Variants in COL27A1 observed in about 807,000 individuals in gnomAD.
COL27A1 encodes the protein collagen type XXVII alpha 1 chain.
Under a neutral mutation model 251.3 loss-of-function variants are expected in COL27A1, and 106 were observed. The ratio of observed to expected loss-of-function variants is 0.42; its 90% confidence interval spans 0.36 to 0.50. The LOEUF is 0.50. Ranked by LOEUF, COL27A1 falls within the 20% of genes least tolerant of loss-of-function variation. The pLI, the probability that COL27A1 is intolerant of heterozygous loss-of-function variation, is 0.00. For missense variants in COL27A1, 2,325 were observed against 2,522.8 expected (o/e 0.92, Z 1.68); for synonymous variants, 1,000 against 986.3 (o/e 1.01, Z -0.26).
At chr9:114,250,371 C>T (rs749323212) in intron 24 of COL27A1, among the ~76,000 whole-genome samples, 2 of 152,200 alleles carry the variant, frequency 1.3e-5, no homozygotes, top group Admixed American at 6.5e-5. Flanking sequence ...GAATGTGTGG[C>T]GCTCCCAGGG....
intron 19 of COL27A1, among the ~76,000 whole-genome samples, chr9:114,238,407 G>A (rs1249715): frequency 0.31 from 46,834 of 151,964 alleles, 7,707 homozygotes; most frequent in Middle Eastern, 0.46. Context: ...CAGGGCTGCC[G>A]TCCCTCTCAG....
chr9:114,264,350 T>C lies in COL27A1; in HGVS notation c.3196-5T>C. 6.3e-7 allele frequency: 1 copy of C among 1,591,620 alleles called. No individual in the cohort carries two copies. Among genetic ancestry groups the C allele is most frequent in the Non-Finnish European group, 8.6e-7 (1 of 1,167,936 alleles). On this transcript the variant is annotated splice_region_variant and splice_polypyrimidine_tract_variant and intron_variant, in intron 28 of 60. Transcript: ENST00000356083. ...CGGTGTGCTAGTCCCTTTTTCCTATTCCAGGGCCCCCGAGGACCGGACGGA... is the reference window on the plus strand; with the variant it reads ...CGGTGTGCTAGTCCCTTTTTCCTATCCCAGGGCCCCCGAGGACCGGACGGA...
upstream of COL27A1, among the ~76,000 whole-genome samples, chr9:114,155,041 C>T (rs1848040031): frequency 6.6e-6 from 1 of 151,952 alleles, no homozygotes; most frequent in Non-Finnish European, 1.5e-5. This position sits in a 1 kb window ranked among gnomAD's most constrained non-coding sequence, Gnocchi z 5.5. Context: ...GAGAGGGTGG[C>T]AAACCCTTAA....
chr9:114,188,596 C>G (rs953350615), intron 5 of COL27A1, among the ~76,000 whole-genome samples: 5 of 151,972 alleles, frequency 3.3e-5, no homozygotes, highest in Non-Finnish European at 7.4e-5. Flanking sequence ...AGACATATAT[C>G]AAGACATATA....
chr9:114,209,898 A>C (rs1014097409), intron 11 of COL27A1, among the ~76,000 whole-genome samples, 170 bp downstream of exon 11: 1 of 152,222 alleles, frequency 6.6e-6, no homozygotes, highest in Admixed American at 6.5e-5. Context: ...CATTCCAGGC[A>C]TAGGGAACAG....
intron 3 of COL27A1, among the ~76,000 whole-genome samples, chr9:114,169,845 C>G (rs1404368630): frequency 6.6e-6 from 1 of 152,244 alleles, no homozygotes; most frequent in Non-Finnish European, 1.5e-5. Flanking sequence ...CTTCCAAAGC[C>G]CCGTTCTCCC....
chr9:114,265,182 A>G (rs1259011698), intron 31 of COL27A1, 72 bp downstream of exon 31: 8 of 1,169,274 alleles, frequency 6.8e-6, no homozygotes, highest in African/African-American at 1.5e-5. Context: ...TGCGGTGCTG[A>G]TAATAACCAC....
chr9:114,161,591 C>G (rs1228718432), intron 1 of COL27A1, among the ~76,000 whole-genome samples: 3 of 152,220 alleles, frequency 2.0e-5, no homozygotes, highest in Non-Finnish European at 4.4e-5. Context: ...CAGAAGCACA[C>G]TATCCTAGCT....
intron 41 of COL27A1, among the ~76,000 whole-genome samples, chr9:114,285,210 C>A (rs934650798): frequency 4.6e-5 from 7 of 152,104 alleles, no homozygotes; most frequent in African/African-American, 1.7e-4. Context: ...CAAGGAACCC[C>A]AGTGGTTAGT....
intron 28 of COL27A1, among the ~76,000 whole-genome samples, chr9:114,260,141 C>T (rs551786173): frequency 9.9e-5 from 15 of 152,284 alleles, no homozygotes; most frequent in African/African-American, 1.7e-4. Flanking sequence ...GCCTCAGGCG[C>T]GGGGCTCAGG....
chr9:114,290,102 G>T lies in COL27A1; in HGVS notation c.4251G>T (p.Arg1417Ser), dbSNP rs888466096. The T allele has an allele frequency of 4.3e-6, 7 of 1,611,630 alleles. No individual in the cohort carries two copies. Among genetic ancestry groups the T allele is most frequent in the Non-Finnish European group, 5.9e-6 (7 of 1,179,968 alleles). Residue 1417 changes from arginine (R) to serine (S), a missense_variant, in exon 46 of 61, where the codon AGG (arginine) becomes AGT (serine). By Grantham distance (110) the Arg-to-Ser change is moderately radical. This residue lies in a region of COL27A1 where 662 missense variants were observed against 795.3 expected (regional missense o/e 0.83). Coordinates refer to ENST00000356083, the MANE Select transcript of COL27A1 (RefSeq NM_032888.4). The surrounding 1 kb of genome is among the most constrained non-coding windows in gnomAD (Gnocchi z 4.6). ...GCAAGGCAGGGGCCCCAGGCCGGAG[G>T]GGGGTCCAGGTGAGTGACTACAGCT... Reference protein sequence around the residue: ...KQGKAGAPGRRGVQGLQGLPG... With the variant: ...KQGKAGAPGRSGVQGLQGLPG...
At chr9:114,164,649 T>G (rs1018679533) in intron 2 of COL27A1, among the ~76,000 whole-genome samples, 1 of 152,224 alleles carries the variant, frequency 6.6e-6, no homozygotes, top group Non-Finnish European at 1.5e-5. Flanking sequence ...AAGGACCAAG[T>G]GGCTTCCTGC....
intron 60 of COL27A1, 42 bp downstream of exon 60, chr9:114,309,520 A>G: frequency 6.7e-7 from 1 of 1,489,650 alleles, no homozygotes; most frequent in Non-Finnish European, 9.3e-7. Context: ...TGTGGGGACA[A>G]CTGGAAAAAC....
chr9:114,190,041 A>T (rs1468656497), intron 5 of COL27A1, among the ~76,000 whole-genome samples: 1 of 152,190 alleles, frequency 6.6e-6, no homozygotes, highest in Admixed American at 6.5e-5. Context: ...ACCCATGAAA[A>T]TAGTCGTACT....
chr9:114,210,293 A>G (rs899179217), intron 11 of COL27A1, among the ~76,000 whole-genome samples: 1 of 152,228 alleles, frequency 6.6e-6, no homozygotes, highest in Admixed American at 6.5e-5. Flanking sequence ...CAGAGACCGT[A>G]TGGCCCACAG....
chr9:114,297,122 G>T (rs565035429), intron 49 of COL27A1, among the ~76,000 whole-genome samples: 2 of 152,312 alleles, frequency 1.3e-5, no homozygotes, highest in East Asian at 1.9e-4. Context: ...TATTGTCTTG[G>T]TTGTTGTGAC....
At chr9:114,217,743 C>T in intron 12 of COL27A1, 4 of 470,056 alleles carry the variant, frequency 8.5e-6, no homozygotes, top group Non-Finnish European at 1.8e-5. Flanking sequence ...GCCCTTGTCT[C>T]AAGGAGTTGC....
At chr9:114,269,717 C>T (rs1383250083) in intron 35 of COL27A1, among the ~76,000 whole-genome samples, 2 of 151,424 alleles carry the variant, frequency 1.3e-5, no homozygotes, top group South Asian at 2.1e-4. Context: ...CACTGTGTGT[C>T]GAGCACTTTT....
intron 4 of COL27A1, 51 bp downstream of exon 4, chr9:114,178,395 C>A: frequency 6.6e-7 from 1 of 1,514,462 alleles, no homozygotes; most frequent in Non-Finnish European, 9.2e-7. Context: ...CTTTGGCCTG[C>A]GTCTCACTGC....
Sources: allele counts gnomAD v4.1 joint callset (sites outside exome capture counted in the v4.1 genomes callset), GRCh38; gene constraint gnomAD v4.1.1; regional missense constraint gnomAD v4.1.1; non-coding constraint Gnocchi (gnomAD v3.1); transcripts MANE v1.5; gene names NCBI Gene and HGNC (gene_info 2026-07-23, HGNC 2026-07-21).